Variants in MYCBP2 observed in about 807,000 individuals in gnomAD.
The protein encoded by MYCBP2 is MYC binding protein 2, also known as E3 ubiquitin-protein ligase MYCBP2.
A neutral mutation model predicts 525.3 loss-of-function variants in MYCBP2; 120 were observed. The ratio of observed to expected loss-of-function variants is 0.23; its 90% CI spans 0.20 to 0.27. The LOEUF is 0.27. Ranked by LOEUF, MYCBP2 falls within the 10% of genes least tolerant of loss-of-function variation. The pLI is 1.00. For missense variants in MYCBP2, 4,149 were observed against 5,657.1 expected (o/e 0.73, Z 8.55); for synonymous variants, 1,894 against 1,955.8 (o/e 0.97, Z 0.83).
At chr13:77,210,366 G>A (rs568942744) in intron 23 of MYCBP2, among the ~76,000 whole-genome samples, 23 of 151,788 alleles carry the variant, frequency 1.5e-4, no homozygotes, top group Admixed American at 7.9e-4. Flanking sequence ...CTAATTTTTC[G>A]TATTTTTAGT....
At chr13:77,071,233 G>GTA (rs1234273318) in intron 68 of MYCBP2, among the ~76,000 whole-genome samples, 8 of 25,904 alleles carry the variant, frequency 3.1e-4, no homozygotes, top group East Asian at 1.3e-3. Flanking sequence ...GTATATATGT[G>GTA]TGTGTATATA....
chr13:77,150,772 C>T lies in MYCBP2; in HGVS notation c.7093G>A (p.Val2365Met). The change falls in exon 47 of 83, where the codon GTG becomes ATG. Residue 2365 changes from valine (V) to methionine (M), a missense_variant. Val to Met is a conservative substitution (Grantham distance 21). Coordinates refer to ENST00000544440, the MANE Select transcript of MYCBP2 (RefSeq NM_015057.5). ...KLDVSYEPMIVKEARYIAITM... is the reference protein window; with the variant it reads ...KLDVSYEPMIMKEARYIAITM... ...ATGGCAATATATCGAGCTTCCTTCA[C>T]TATCATTGGTTCATATGAAACATCT... 4 of 1,614,130 alleles carry T rather than the reference C, an allele frequency of 2.5e-6. No individual in the cohort carries two copies. The highest frequency in any genetic ancestry group is 3.4e-6 in the Non-Finnish European group (4 of 1,180,000).
At position 77,081,510 on chromosome 13, in the gene MYCBP2, T is replaced by C. The variant is rs952854578; in HGVS notation, c.11335A>G (p.Thr3779Ala). ...ACACAGTTGATGGTGATGTTCTTAG[T>C]TTTGTTTTTATCTTCATCTCCTGAT... ...WESGDEDKNK[T>A]KNITINCVKG... The change falls in exon 65 of 83, where the codon ACT becomes GCT. Residue 3779 changes from threonine (T) to alanine (A), a missense_variant. Thr to Ala is a moderately conservative substitution (Grantham distance 58). Transcript: ENST00000544440. This position sits in a 1 kb window ranked among gnomAD's most constrained non-coding sequence, Gnocchi z 4.6. 2 of 1,613,362 alleles carry C rather than the reference T, an allele frequency of 1.2e-6. No individual in the cohort carries two copies. Among genetic ancestry groups the C allele is most frequent in the Non-Finnish European group, 1.7e-6 (2 of 1,179,858 alleles).
At chr13:77,271,780 G>A (rs1333495657) in intron 5 of MYCBP2, among the ~76,000 whole-genome samples, 1 of 152,130 alleles carries the variant, frequency 6.6e-6, no homozygotes. Flanking sequence ...TCTTTCTTTT[G>A]TAAATTGCCC....
intron 1 of MYCBP2, among the ~76,000 whole-genome samples, chr13:77,301,516 G>A (rs929626113): frequency 4.0e-5 from 6 of 151,536 alleles, no homozygotes; most frequent in Non-Finnish European, 8.8e-5. Context: ...GGGAGGGAGC[G>A]GTCTATGTAA....
At chr13:77,165,243 T>C (rs758629341) in intron 42 of MYCBP2, 30 bp downstream of exon 42, 2 of 1,527,154 alleles carry the variant, frequency 1.3e-6, no homozygotes, top group Admixed American at 3.4e-5. Context: ...CAATCTTCCT[T>C]AAAAGAATGA....
chr13:77,097,591 C>T lies in MYCBP2; in HGVS notation c.9563G>A (p.Gly3188Asp), dbSNP rs2046449648. ...ASQNMIFPSP[G>D]SCAVLKKKEC... ...TTTCTTTTTAAGAACTGCACAGGAA[C>T]CAGGACTTGGAAAAATCATATTCTG... The change falls in exon 56 of 83, where the codon GGT becomes GAT. Residue 3188 changes from glycine to aspartate, a missense_variant. This residue lies in a region of MYCBP2 where 653 missense variants were observed against 744.7 expected (regional missense o/e 0.88). Coordinates refer to ENST00000544440, the MANE Select transcript of MYCBP2 (RefSeq NM_015057.5). The T allele has an allele frequency of 1.2e-6, 2 of 1,613,540 alleles. No individual in the cohort carries two copies. The highest frequency in any genetic ancestry group is 4.5e-5 in the East Asian group (2 of 44,804).
chr13:77,257,062 T>G (rs181165441), intron 14 of MYCBP2, among the ~76,000 whole-genome samples: 1 of 152,164 alleles, frequency 6.6e-6, no homozygotes, highest in East Asian at 1.9e-4. Flanking sequence ...TAAAAAACAC[T>G]GAGATCCTAT....
rs117730227 is a variant in MYCBP2, at chr13:77,319,300, C to T, written c.302+7174G>A. ...CCCTCTAGCTAGTAGAAGAAGGCCA[C>T]TTCTGCAGGCCCAGAGGGTTAAGAG... On this transcript the variant is annotated intron_variant, in intron 1 of 82. Coordinates refer to ENST00000544440, the MANE Select transcript of MYCBP2 (RefSeq NM_015057.5). 1.1e-4 allele frequency among the ~76,000 whole-genome samples: 16 copies of T among 152,290 alleles called. No individual in the cohort carries two copies. In the East Asian group the frequency reaches 2.7e-3, roughly 26 times the overall value.
intron 40 of MYCBP2, among the ~76,000 whole-genome samples, chr13:77,167,698 T>C (rs1331271997): frequency 6.6e-6 from 1 of 152,204 alleles, no homozygotes; most frequent in Admixed American, 6.5e-5. Context: ...AGACATTGTA[T>C]CAATAAATAT....
At chr13:77,141,816 A>G (rs968356339) in intron 49 of MYCBP2, among the ~76,000 whole-genome samples, 1 of 151,714 alleles carries the variant, frequency 6.6e-6, no homozygotes, top group Non-Finnish European at 1.5e-5. Flanking sequence ...TTAGATATAT[A>G]TTAAATGCAC....
intron 46 of MYCBP2, among the ~76,000 whole-genome samples, chr13:77,152,407 A>C (rs943921662): frequency 6.6e-6 from 1 of 152,244 alleles, no homozygotes; most frequent in Non-Finnish European, 1.5e-5. Context: ...TACAGACAGG[A>C]GTCAGGGATA....
At chr13:77,245,821 AT>A (rs1443640969) in intron 15 of MYCBP2, among the ~76,000 whole-genome samples, 231 of 149,284 alleles carry the variant, frequency 1.5e-3, no homozygotes, top group African/African-American at 5.3e-3. Flanking sequence ...AAAGGAAAAA[AT>A]AATACATATA....
chr13:77,327,074 G>C lies in MYCBP2; in HGVS notation c.-299C>G, dbSNP rs2082415118. On this transcript the variant is annotated 5_prime_UTR_variant, in exon 1 of 83. Coordinates refer to ENST00000544440, the MANE Select transcript of MYCBP2 (RefSeq NM_015057.5). Reference sequence around the variant, plus strand: ...CCGCTACCACCGCCACCACCGCCGGGGCTACCCGCAATGGGAAGCTGCCGG... The same window carrying C: ...CCGCTACCACCGCCACCACCGCCGGCGCTACCCGCAATGGGAAGCTGCCGG... 1 of 437,570 alleles carries C rather than the reference G, an allele frequency of 2.3e-6. No homozygotes were observed. Among genetic ancestry groups the C allele is most frequent in the South Asian group, 6.9e-5 (1 of 14,486 alleles). 27.1% of individuals were successfully genotyped at this position (437,570 alleles called of 1,614,324 possible). A position where few individuals can be genotyped will look rare whatever the true frequency, so the allele number is the denominator to read the frequency against.
chr13:77,077,478 TAAC>T, intron 66 of MYCBP2, 91 bp from the exon 67 acceptor site: 1 of 1,457,986 alleles, frequency 6.9e-7, no homozygotes, highest in Non-Finnish European at 9.4e-7. Context: ...CAAGCTCAAA[TAAC>T]AAAGAATTGC....
chr13:77,059,427 C>A, intron 77 of MYCBP2, 96 bp downstream of exon 77: 1 of 900,136 alleles, frequency 1.1e-6, no homozygotes. Flanking sequence ...ATTTAGGAAG[C>A]TGGAGTGACG....
chr13:77,102,761 T>A, intron 55 of MYCBP2, among the ~76,000 whole-genome samples: 1 of 151,876 alleles, frequency 6.6e-6, no homozygotes, highest in East Asian at 1.9e-4. Context: ...AACTTTAAGT[T>A]CATTATCAGT....
chr13:77,079,100 C>T (rs1391221644), intron 65 of MYCBP2, among the ~76,000 whole-genome samples: 1 of 152,102 alleles, frequency 6.6e-6, no homozygotes, highest in Non-Finnish European at 1.5e-5. Context: ...ACATTTCAGC[C>T]TCTCTCCAGG....
At chr13:77,257,072 T>C (rs756516909) in intron 14 of MYCBP2, among the ~76,000 whole-genome samples, 5 of 152,062 alleles carry the variant, frequency 3.3e-5, no homozygotes, top group African/African-American at 4.8e-5. Context: ...TGAGATCCTA[T>C]CATTTGCAAC....
Sources: gnomAD v4.1 joint callset for allele counts (sites outside exome capture counted in the v4.1 genomes callset) on GRCh38, gnomAD v4.1.1 for gene constraint, gnomAD v4.1.1 regional missense constraint, Gnocchi (gnomAD v3.1) non-coding constraint, MANE v1.5 for transcripts, NCBI Gene and HGNC (gene_info 2026-07-23, HGNC 2026-07-21) for gene names.